KALRN: variants seen among roughly 807,000 people sequenced by gnomAD.
KALRN encodes kalirin RhoGEF kinase.
Under a neutral mutation model 353.7 loss-of-function variants are expected in KALRN, and 70 were observed. That is an observed-to-expected ratio of 0.20 (90% CI 0.16 to 0.24). The LOEUF (loss-of-function observed/expected upper bound fraction) is 0.24, where lower values mean the gene tolerates loss of function less well. KALRN is among the 10% of genes least tolerant of loss of function. The pLI is 1.00. For synonymous variants in KALRN, 1,391 were observed against 1,434.8 expected, an observed-to-expected ratio of 0.97 and a Z score of 0.69; for missense variants, 2,791 against 3,756.7, an observed-to-expected ratio of 0.74 and a Z score of 6.72.
At chr3:124,052,277 G>C (rs1278403044) in intron 1 of KALRN, among the ~76,000 whole-genome samples, 1 of 152,156 alleles carries the variant, frequency 6.6e-6, no homozygotes, top group Admixed American at 6.5e-5. Flanking sequence ...AAACAATTTT[G>C]GTTCTCAGAA....
At chr3:124,147,135 G>C (rs1219706984) in intron 1 of KALRN, among the ~76,000 whole-genome samples, 1 of 152,166 alleles carries the variant, frequency 6.6e-6, no homozygotes, top group East Asian at 1.9e-4. Flanking sequence ...GGTTATCACA[G>C]CTAGTGAGTG....
At chr3:124,261,053 T>TG (rs2072786650) in intron 3 of KALRN, among the ~76,000 whole-genome samples, 1 of 151,508 alleles carries the variant, frequency 6.6e-6, no homozygotes, top group Admixed American at 6.6e-5. Context: ...TTTCTTTTTT[T>TG]TTTTTTTGTA....
chr3:124,146,577 A>T (rs1307371658), intron 1 of KALRN, among the ~76,000 whole-genome samples: 1 of 152,062 alleles, frequency 6.6e-6, no homozygotes, highest in Non-Finnish European at 1.5e-5. Flanking sequence ...GTTCTATCGG[A>T]TGTTAAAAAG....
chr3:124,167,589 G>C (rs1297036806), intron 1 of KALRN, among the ~76,000 whole-genome samples: 1 of 152,160 alleles, frequency 6.6e-6, no homozygotes, highest in Non-Finnish European at 1.5e-5. Flanking sequence ...TCAAACTGTA[G>C]GCAAAAGGTG....
chr3:124,236,683 G>A (rs4336056), intron 3 of KALRN, among the ~76,000 whole-genome samples: 14,131 of 152,228 alleles, frequency 0.093, 1,835 homozygotes, highest in East Asian at 0.64. Context: ...GACTTGTTAA[G>A]CAAAGAGTGG....
At chr3:124,331,880 G>A (rs997507983) in intron 8 of KALRN, among the ~76,000 whole-genome samples, 2 of 152,152 alleles carry the variant, frequency 1.3e-5, no homozygotes, top group African/African-American at 2.4e-5. Context: ...TACAGATGTA[G>A]AGACTGAGGC....
chr3:124,124,837 T>G (rs1259787115), intron 1 of KALRN, among the ~76,000 whole-genome samples: 2 of 152,242 alleles, frequency 1.3e-5, no homozygotes, highest in African/African-American at 4.8e-5. Flanking sequence ...TTAGACATGC[T>G]ATTGCACACT....
intron 16 of KALRN, 53 bp downstream of exon 16, chr3:124,430,828 C>T: frequency 1.3e-6 from 2 of 1,571,474 alleles, no homozygotes; most frequent in Admixed American, 3.5e-5. Flanking sequence ...TGCTCTGTAC[C>T]TCAGGCAGGG....
chr3:124,336,595 C>G lies in KALRN; in HGVS notation c.1647+2100C>G, dbSNP rs563471950. 6.6e-5 allele frequency among the ~76,000 whole-genome samples: 10 copies of G among 152,156 alleles called. 1 individual carries two copies. Among genetic ancestry groups the G allele is most frequent in the African/African-American group, 2.4e-4 (10 of 41,504 alleles). ...CCTCCCCAAGGGGAGGGTGGCATTC[C>G]AGACTCCAACTATCAGGGAACTGCT... is the stretch of plus-strand genomic sequence containing the variant. On this transcript the variant is annotated intron_variant, in intron 9 of 59. Transcript: ENST00000682506.
At chr3:124,390,755 C>A (rs774170450) in intron 11 of KALRN, among the ~76,000 whole-genome samples, 1 of 152,110 alleles carries the variant, frequency 6.6e-6, no homozygotes, top group African/African-American at 2.4e-5. Context: ...AATGAAACAG[C>A]CAATCAGCAG....
At chr3:124,540,862 C>G (rs1479229573) in intron 33 of KALRN, among the ~76,000 whole-genome samples, 1 of 152,220 alleles carries the variant, frequency 6.6e-6, no homozygotes, top group East Asian at 1.9e-4. Flanking sequence ...TGTTCCCTAG[C>G]TGCATGCCAG....
At chr3:124,544,294 C>A (rs534367488) in intron 33 of KALRN, among the ~76,000 whole-genome samples, 4 of 152,222 alleles carry the variant, frequency 2.6e-5, no homozygotes, top group African/African-American at 9.6e-5. Flanking sequence ...GGTGCAGTGG[C>A]TCATGCCTGT....
At position 124,691,369 on chromosome 3, in the gene KALRN, G is replaced by A. The variant is rs552697741; in HGVS notation, c.7378-2435G>A. ...CTTGAACCGGGGAGGCGGAATTTGC[G>A]GTGAGCTGAGATCACACCATTGTAC... On this transcript the variant is annotated intron_variant, in intron 51 of 59. Transcript: ENST00000682506. 3.9e-5 allele frequency among the ~76,000 whole-genome samples: 6 copies of A among 152,228 alleles called. No individual in the cohort carries two copies. In the South Asian group the frequency reaches 6.2e-4, roughly 16 times the overall value.
chr3:124,189,005 G>A (rs1402127863), intron 1 of KALRN, among the ~76,000 whole-genome samples: 2 of 152,130 alleles, frequency 1.3e-5, no homozygotes, highest in Admixed American at 6.5e-5. Context: ...TGGGGCGGAG[G>A]CATTATCTTT....
At chr3:124,565,529 C>T (rs2072696053) in intron 34 of KALRN, among the ~76,000 whole-genome samples, 1 of 152,170 alleles carries the variant, frequency 6.6e-6, no homozygotes, top group South Asian at 2.1e-4. Flanking sequence ...ATAGATTATC[C>T]AGCAAAATAA....
chr3:124,537,772 A>T (rs2068653604), intron 33 of KALRN, among the ~76,000 whole-genome samples: 2 of 152,230 alleles, frequency 1.3e-5, no homozygotes, highest in African/African-American at 2.4e-5. Flanking sequence ...TGAGAGGTTG[A>T]TCTGAGAAAC....
chr3:124,384,422 G>A (rs997892069), intron 10 of KALRN: 2 of 154,708 alleles, frequency 1.3e-5, no homozygotes, highest in African/African-American at 4.8e-5. Context: ...AGCAAAGTGA[G>A]TCTCCCACTT....
intron 10 of KALRN, among the ~76,000 whole-genome samples, chr3:124,384,306 G>A (rs1412453347): frequency 1.3e-5 from 2 of 152,188 alleles, no homozygotes; most frequent in African/African-American, 2.4e-5. Flanking sequence ...GGCTGTGGCC[G>A]CTGCCTTCTG....
chr3:124,347,314 G>A, intron 10 of KALRN, 49 bp downstream of exon 10: 1 of 1,167,100 alleles, frequency 8.6e-7, no homozygotes, highest in Non-Finnish European at 1.2e-6. Context: ...GTGTGTGTGT[G>A]TGTGTGTCTA....
Sources: gnomAD v4.1 joint callset for allele counts (sites outside exome capture counted in the v4.1 genomes callset) on GRCh38, gnomAD v4.1.1 for gene constraint, MANE v1.5 for transcripts, NCBI Gene and HGNC (gene_info 2026-07-23, HGNC 2026-07-21) for gene names.